Variants in COL4A2 observed in about 807,000 individuals in gnomAD.
COL4A2 encodes collagen alpha-2(IV) chain.
A neutral mutation model predicts 200.2 loss-of-function variants in COL4A2; 99 were observed. That is an observed-to-expected ratio of 0.49 (90% CI 0.42 to 0.58). The LOEUF (loss-of-function observed/expected upper bound fraction) is 0.58, where lower values mean the gene tolerates loss of function less well. COL4A2 is among the 20% of genes least tolerant of loss of function. The pLI, the probability that COL4A2 is intolerant of heterozygous loss-of-function variation, is 0.00. For missense variants in COL4A2, 1,950 were observed against 2,314.1 expected (o/e 0.84, Z 3.23); for synonymous variants, 897 against 900.6 (o/e 1.00, Z 0.07).
intron 3 of COL4A2, among the ~76,000 whole-genome samples, chr13:110,341,424 T>TAAGGATTTA (rs1876449025): frequency 6.6e-6 from 1 of 152,208 alleles, no homozygotes; most frequent in African/African-American, 2.4e-5. Flanking sequence ...TAGGTGTTGT[T>TAAGGATTTA]AAGGATTTAC....
At chr13:110,328,644 T>C (rs903583490) in intron 3 of COL4A2, 1 of 152,244 alleles carries the variant, frequency 6.6e-6, no homozygotes, top group Admixed American at 6.5e-5. Flanking sequence ...ATAAGGACAT[T>C]GTTCTCTGAA....
intron 40 of COL4A2, among the ~76,000 whole-genome samples, chr13:110,498,068 G>T (rs1170817834): frequency 1.3e-5 from 2 of 152,244 alleles, no homozygotes; most frequent in Non-Finnish European, 2.9e-5. Flanking sequence ...AGTTGACCAT[G>T]CCCGTGACCT....
At chr13:110,502,104 T>G (rs189157654) in intron 41 of COL4A2, among the ~76,000 whole-genome samples, 1 of 152,358 alleles carries the variant, frequency 6.6e-6, no homozygotes, top group Admixed American at 6.5e-5. Flanking sequence ...AAATTTAATT[T>G]GCACTTCCTA....
chr13:110,321,208 GTATA>G (rs564904701), intron 3 of COL4A2, among the ~76,000 whole-genome samples: 5 of 146,656 alleles, frequency 3.4e-5, no homozygotes, highest in South Asian at 2.2e-4. Context: ...GTGTCTGTGT[GTATA>G]TATATATATA....
At chr13:110,417,384 G>A (rs748064652) in intron 4 of COL4A2, among the ~76,000 whole-genome samples, 1 of 152,146 alleles carries the variant, frequency 6.6e-6, no homozygotes, top group Non-Finnish European at 1.5e-5. Flanking sequence ...AACCTGGAAG[G>A]GACATAATCT....
At chr13:110,387,842 T>G (rs1312802209) in intron 4 of COL4A2, among the ~76,000 whole-genome samples, 1 of 152,164 alleles carries the variant, frequency 6.6e-6, no homozygotes, top group African/African-American at 2.4e-5. Flanking sequence ...GGCCTCCACC[T>G]CTGCGGAGCT....
chr13:110,339,930 A>G (rs1041945000), intron 3 of COL4A2, among the ~76,000 whole-genome samples: 4 of 152,268 alleles, frequency 2.6e-5, no homozygotes, highest in African/African-American at 9.6e-5. Context: ...CTAACCCAGT[A>G]TAGAACAGTA....
chr13:110,439,785 C>A lies in COL4A2; in HGVS notation c.913-4C>A, dbSNP rs1881051807. 6.2e-7 allele frequency: 1 copy of A among 1,613,380 alleles called. No individual in the cohort carries two copies. Among genetic ancestry groups the A allele is most frequent in the African/African-American group, 1.3e-5 (1 of 74,802 alleles). ...TGTTTGCTTCTGTTTTTTGTTCATTCCAGGGTTACCCTGGCTTGAGTGGTG... is the reference window on the plus strand; with the variant it reads ...TGTTTGCTTCTGTTTTTTGTTCATTACAGGGTTACCCTGGCTTGAGTGGTG... On this transcript the variant is annotated splice_region_variant and splice_polypyrimidine_tract_variant and intron_variant, in intron 15 of 47. Transcript: ENST00000360467.
At chr13:110,425,072 C>T (rs1352090559) in intron 6 of COL4A2, 75 bp downstream of exon 6, 4 of 1,569,198 alleles carry the variant, frequency 2.5e-6, no homozygotes, top group Admixed American at 1.7e-5. Context: ...CTTAAAGAAA[C>T]ATTTTGAATG....
chr13:110,433,826 A>G (rs1190668756), intron 11 of COL4A2, among the ~76,000 whole-genome samples: 1 of 152,252 alleles, frequency 6.6e-6, no homozygotes, highest in East Asian at 1.9e-4. Context: ...TCGTGAAATT[A>G]TTAAATCCTT....
intron 8 of COL4A2, 167 bp downstream of exon 8, chr13:110,430,123 CAATCTT>C (rs1339508573): frequency 1.3e-6 from 1 of 765,596 alleles, no homozygotes; most frequent in Non-Finnish European, 1.9e-6. Flanking sequence ...AGGATGTTTT[CAATCTT>C]ATTTTTAATT....
At chr13:110,459,156 G>A (rs753439964) in intron 22 of COL4A2, 13 of 443,432 alleles carry the variant, frequency 2.9e-5, no homozygotes, top group Middle Eastern at 5.8e-4. Context: ...AACCGCAGCC[G>A]ACAGCTCTTG....
rs1368399037 is a variant in COL4A2 at position 110,512,953 on chromosome 13, G to T, written c.*762G>T. 6.6e-6 allele frequency: 1 copy of T among 152,134 alleles called. No individual in the cohort carries two copies. The highest frequency in any genetic ancestry group is 2.4e-5 in the African/African-American group (1 of 41,394). 9.4% of individuals were successfully genotyped at this position (152,134 alleles called of 1,614,324 possible). ...AGATTTAACCCCTCCACTGCTGGGG[G>T]TGAGCTGTACTCTTCTGACTGCCCC... On this transcript the variant is annotated 3_prime_UTR_variant, in exon 48 of 48. Transcript: ENST00000360467.
In COL4A2 at chr13:110,484,910, C is replaced by G; in HGVS notation, c.2908C>G (p.Arg970Gly). The G allele has an allele frequency of 6.2e-7, 1 of 1,610,136 alleles. No homozygotes were observed. The highest frequency in any genetic ancestry group is 8.5e-7 in the Non-Finnish European group (1 of 1,177,630). Residue 970 changes from arginine to glycine, a missense_variant, in exon 33 of 48, where the codon CGA becomes GGA. Around this residue, in one of 2 missense-constraint regions of COL4A2, gnomAD observed 1,385 missense variants for 1,720.5 expected, o/e 0.80. Coordinates refer to ENST00000360467, the MANE Select transcript of COL4A2 (RefSeq NM_001846.4). The stretch of plus-strand genomic sequence containing the variant: ...AGCACTCTATTCCCTTCCAGGCAGC[C>G]GAGGGGACCCTGGGCCCCCAGGACC... ...LAGEPGFKGS[R>G]GDPGPPGPPP...
intron 3 of COL4A2, among the ~76,000 whole-genome samples, chr13:110,352,578 G>A (rs140362666): frequency 0.012 from 1,802 of 152,312 alleles, 23 homozygotes; most frequent in East Asian, 0.057. Context: ...GTGAAAGCGT[G>A]GATGAAGGAC....
At chr13:110,479,858 C>A (rs565920698) in intron 30 of COL4A2, among the ~76,000 whole-genome samples, 4 of 152,196 alleles carry the variant, frequency 2.6e-5, no homozygotes, top group Non-Finnish European at 5.9e-5. Flanking sequence ...GTGATGTTCG[C>A]GAGGAACAGG....
intron 3 of COL4A2, among the ~76,000 whole-genome samples, chr13:110,343,607 C>T (rs1876561608): frequency 6.6e-6 from 1 of 152,202 alleles, no homozygotes; most frequent in Non-Finnish European, 1.5e-5. Context: ...GCCCCAAAGC[C>T]CCTGGGACTT....
intron 11 of COL4A2, among the ~76,000 whole-genome samples, 172 bp from the exon 12 acceptor site, chr13:110,434,229 T>C (rs74124330): frequency 2.7e-4 from 41 of 152,360 alleles, no homozygotes; most frequent in African/African-American, 9.9e-4. Context: ...TCAACTGACA[T>C]GACAAACTGT....
chr13:110,481,879 C>T lies in COL4A2; in HGVS notation c.2759-637C>T, dbSNP rs79860426. On this transcript the variant is annotated intron_variant, in intron 31 of 47. Coordinates refer to ENST00000360467, the MANE Select transcript of COL4A2 (RefSeq NM_001846.4). ...GTCCCTCCGTGCTGGAGACACACTGCTCTGTCCCTCCGTGCTGGAGACACA... is the reference window on the plus strand; with the variant it reads ...GTCCCTCCGTGCTGGAGACACACTGTTCTGTCCCTCCGTGCTGGAGACACA... Among the ~76,000 whole-genome samples the T allele has an allele frequency of 1.1e-3, 39 of 35,002 alleles. 4 individuals are homozygous for T. The highest frequency in any genetic ancestry group is 3.8e-3 in the African/African-American group (18 of 4,784). 23.0% of individuals were successfully genotyped at this position (35,002 alleles called of 152,430 possible).
Sources: gnomAD v4.1 joint callset for allele counts (sites outside exome capture counted in the v4.1 genomes callset) on GRCh38, gnomAD v4.1.1 for gene constraint, gnomAD v4.1.1 regional missense constraint, MANE v1.5 for transcripts, NCBI Gene and HGNC (gene_info 2026-07-23, HGNC 2026-07-21) for gene names.